TM9SF2: variants seen among roughly 807,000 people sequenced by gnomAD.
The protein encoded by TM9SF2 is 76 kDa membrane protein.
In TM9SF2, 13 loss-of-function variants were observed where a neutral mutation model predicts 84.9. The observed-to-expected ratio is 0.15, with a 90% CI of 0.10 to 0.24. TM9SF2 has a LOEUF of 0.24. Among genes scored for constraint, TM9SF2 ranks in the 10% least tolerant of loss-of-function variants. TM9SF2 has a pLI of 1.00. For missense variants in TM9SF2, 562 were observed against 818.5 expected, an observed-to-expected ratio of 0.69 and a Z score of 3.82; for synonymous variants, 273 against 285.8, an observed-to-expected ratio of 0.96 and a Z score of 0.45.
At chr13:99,520,249 T>A in intron 3 of TM9SF2, 120 bp downstream of exon 3, 1 of 758,768 alleles carries the variant, frequency 1.3e-6, no homozygotes, top group Non-Finnish European at 2.1e-6. Flanking sequence ...CTTTTTCATC[T>A]AGGAATAGGT....
intron 1 of TM9SF2, among the ~76,000 whole-genome samples, chr13:99,516,017 C>T (rs546679056): frequency 7.2e-5 from 11 of 152,314 alleles, no homozygotes; most frequent in Admixed American, 6.5e-4. Flanking sequence ...CAGGCATGAG[C>T]CACTGTGCCC....
intron 1 of TM9SF2, among the ~76,000 whole-genome samples, chr13:99,503,336 C>T (rs911565692): frequency 3.9e-5 from 6 of 152,172 alleles, no homozygotes; most frequent in African/African-American, 1.2e-4. Context: ...TGATCTGTTA[C>T]ACAGGATGAT....
At chr13:99,526,693 C>G in intron 3 of TM9SF2, among the ~76,000 whole-genome samples, 1 of 151,970 alleles carries the variant, frequency 6.6e-6, no homozygotes, top group Non-Finnish European at 1.5e-5. Flanking sequence ...AGACCAGAGT[C>G]GCTGGAGGAG....
chr13:99,544,242 T>G lies in TM9SF2; in HGVS notation c.1150+247T>G, dbSNP rs377436277. Among the ~76,000 whole-genome samples the G allele has an allele frequency of 4.7e-5, 7 of 149,888 alleles. No homozygotes were observed. The East Asian group carries it at 1.2e-3, about 25-fold the overall frequency. Reference sequence around the variant, plus strand: ...AGGTGCCTGTAATCCCAGCTACTTGTGGGGCTGAGGCAGTAGCTTGAACCT... The same window carrying G: ...AGGTGCCTGTAATCCCAGCTACTTGGGGGGCTGAGGCAGTAGCTTGAACCT... On this transcript the variant is annotated intron_variant, in intron 10 of 16. Coordinates refer to ENST00000376387, the MANE Select transcript of TM9SF2 (RefSeq NM_004800.3).
At chr13:99,535,355 C>T (rs558036260) in intron 4 of TM9SF2, among the ~76,000 whole-genome samples, 42 of 152,250 alleles carry the variant, frequency 2.8e-4, no homozygotes, top group African/African-American at 9.9e-4. Flanking sequence ...AGTACTTTCC[C>T]TCCAGTATGG....
intron 4 of TM9SF2, among the ~76,000 whole-genome samples, chr13:99,535,035 C>G (rs2046227821): frequency 6.6e-6 from 1 of 152,008 alleles, no homozygotes; most frequent in African/African-American, 2.4e-5. Context: ...ACCTGTAGTC[C>G]CAGCTACTTG....
At chr13:99,561,272 C>G (rs1162295091) in intron 16 of TM9SF2, among the ~76,000 whole-genome samples, 2 of 152,196 alleles carry the variant, frequency 1.3e-5, no homozygotes, top group African/African-American at 4.8e-5. Flanking sequence ...TTTTACAAAA[C>G]AGAAGTAATT....
At chr13:99,502,598 A>G (rs2046071495) in intron 1 of TM9SF2, among the ~76,000 whole-genome samples, 1 of 152,232 alleles carries the variant, frequency 6.6e-6, no homozygotes, top group South Asian at 2.1e-4. Flanking sequence ...CAAGGTTTTC[A>G]GTTTAATTGC....
In TM9SF2 at chr13:99,501,479, C is replaced by T. The variant is rs1436034107; in HGVS notation, c.-128C>T. 11 of 1,257,040 alleles carry T rather than the reference C, an allele frequency of 8.8e-6. No homozygotes were observed. The highest frequency in any genetic ancestry group is 1.2e-5 in the Non-Finnish European group (11 of 919,130). The allele number at this position is 1,257,040 out of a possible 1,614,324, so 77.9% of individuals were successfully genotyped here. A position where few individuals can be genotyped will look rare whatever the true frequency, so the allele number is the denominator to read the frequency against. ...GGACCCGGGGTGTCTCCTAGCGCAA[C>T]CGGAACTAGCCTTCTGGGGGCCGGC... is the stretch of plus-strand genomic sequence containing the variant. On this transcript the variant is annotated 5_prime_UTR_variant, in exon 1 of 17. Coordinates refer to ENST00000376387, the MANE Select transcript of TM9SF2 (RefSeq NM_004800.3).
At chr13:99,538,531 G>A (rs554485724) in intron 6 of TM9SF2, among the ~76,000 whole-genome samples, 3 of 151,548 alleles carry the variant, frequency 2.0e-5, no homozygotes, top group South Asian at 2.1e-4. Flanking sequence ...ACAGTGGCTC[G>A]CACCTGTAAT....
chr13:99,520,997 T>C (rs1464863768), intron 3 of TM9SF2, among the ~76,000 whole-genome samples: 3 of 152,234 alleles, frequency 2.0e-5, no homozygotes, highest in African/African-American at 2.4e-5. Context: ...AGAATTCTTT[T>C]GCCTTTAAAT....
rs1348699846 is a variant in TM9SF2 at position 99,501,534 on chromosome 13, T to C, written c.-73T>C. On this transcript the variant is annotated 5_prime_UTR_variant, in exon 1 of 17. Coordinates refer to ENST00000376387, the MANE Select transcript of TM9SF2 (RefSeq NM_004800.3). ...TTTATCTCTGGCGGCCTTGTAGTCG[T>C]CTCCGAGACTCCCCACCCCTCCTTC... 1.3e-6 allele frequency: 2 copies of C among 1,543,484 alleles called. No homozygotes were observed. The highest frequency in any genetic ancestry group is 2.3e-5 in the East Asian group (1 of 42,878).
Position 99,530,221 on chromosome 13 carries a change from G to A in TM9SF2, c.461+627G>A, listed in dbSNP as rs181771385. Among the ~76,000 whole-genome samples the A allele has an allele frequency of 2.1e-3, 315 of 152,218 alleles. 1 individual carries two copies. The highest frequency in any genetic ancestry group is 3.9e-3 in the Non-Finnish European group (263 of 68,002). ...GGTTGGATCACGAGGTCAGGAGATC[G>A]AGACCATCCTGGCTAACACGATGAA... On this transcript the variant is annotated intron_variant, in intron 4 of 16. Transcript: ENST00000376387.
chr13:99,546,976 G>GTGTT lies in TM9SF2; in HGVS notation c.1151-7_1151-4dup. 6.2e-7 allele frequency: 1 copy of GTGTT among 1,614,138 alleles called. No individual in the cohort carries two copies. The highest frequency in any genetic ancestry group is 8.5e-7 in the Non-Finnish European group (1 of 1,180,000). ...TAACATGTACAGCCTTTCACGATTT[G>GTGTT]TGTTTTAGTTTTCGCTTGCCTGGGA... On this transcript the variant is annotated splice_polypyrimidine_tract_variant and intron_variant, in intron 10 of 16. Transcript: ENST00000376387.
At chr13:99,509,135 G>A (rs2139070342) in intron 1 of TM9SF2, among the ~76,000 whole-genome samples, 1 of 152,310 alleles carries the variant, frequency 6.6e-6, no homozygotes, top group Non-Finnish European at 1.5e-5. Context: ...TAGGCATTGG[G>A]TAAATATTCC....
chr13:99,556,176 A>AGT (rs2046323847), intron 15 of TM9SF2, among the ~76,000 whole-genome samples: 1 of 56,584 alleles, frequency 1.8e-5, no homozygotes, highest in Non-Finnish European at 4.5e-5. Flanking sequence ...TCTACTATTT[A>AGT]ATATTGTCTA....
Position 99,546,928 on chromosome 13 carries a change from T to G in TM9SF2, c.1151-57T>G. Reference sequence around the variant, plus strand: ...AAAATGAGAGGGTTTCTCTATCATTTCACAGCAAAGGAAACAGAGTAATAA... The same window carrying G: ...AAAATGAGAGGGTTTCTCTATCATTGCACAGCAAAGGAAACAGAGTAATAA... On this transcript the variant is annotated intron_variant, in intron 10 of 16. Coordinates refer to ENST00000376387, the MANE Select transcript of TM9SF2 (RefSeq NM_004800.3). 6 of 1,602,676 alleles carry G rather than the reference T, an allele frequency of 3.7e-6. No homozygotes were observed. In the South Asian group the frequency reaches 4.4e-5, roughly 12 times the overall value.
chr13:99,512,513 T>C (rs547811676), intron 1 of TM9SF2, among the ~76,000 whole-genome samples: 2 of 152,162 alleles, frequency 1.3e-5, no homozygotes, highest in Admixed American at 1.3e-4. Flanking sequence ...TAAAAACTAA[T>C]AACATGTAGA....
Position 99,552,329 on chromosome 13 carries a change from A to G in TM9SF2, c.1488+3A>G. ...CATACTTTGGTTTTAAGAAGAATGTAAGTTTATAGGTGTTAACTTATTCAG... is the reference window on the plus strand; with the variant it reads ...CATACTTTGGTTTTAAGAAGAATGTGAGTTTATAGGTGTTAACTTATTCAG... On this transcript the variant is annotated splice_donor_region_variant and intron_variant, in intron 13 of 16. Transcript: ENST00000376387. 6.2e-7 allele frequency: 1 copy of G among 1,613,034 alleles called. No individual in the cohort carries two copies. The highest frequency in any genetic ancestry group is 8.5e-7 in the Non-Finnish European group (1 of 1,179,622).
Sources: allele counts gnomAD v4.1 joint callset (sites outside exome capture counted in the v4.1 genomes callset), GRCh38; gene constraint gnomAD v4.1.1; transcripts MANE v1.5; gene names NCBI Gene and HGNC (gene_info 2026-07-23, HGNC 2026-07-21).